The following SUPT3H variants were observed in gnomAD, a reference collection of about 807,000 sequenced individuals.
SUPT3H encodes the protein SPT3 homolog, SAGA and STAGA complex component.
In SUPT3H, 44 loss-of-function variants were observed where a neutral mutation model predicts 44.3. The ratio of observed to expected loss-of-function variants is 0.99; its 90% CI spans 0.78 to 1.28. The LOEUF is 1.28. Ranked by LOEUF, SUPT3H falls within the 50% of genes most tolerant of loss-of-function variation. SUPT3H has a pLI of 0.00. For missense variants in SUPT3H, 380 were observed against 387.1 expected, an observed-to-expected ratio of 0.98 and a Z score of 0.15; for synonymous variants, 124 against 125.6, an observed-to-expected ratio of 0.99 and a Z score of 0.09.
At chr6:45,096,454 C>T (rs1210987870) in intron 3 of SUPT3H, among the ~76,000 whole-genome samples, 1 of 152,052 alleles carries the variant, frequency 6.6e-6, no homozygotes, top group East Asian at 1.9e-4. Context: ...ACAGTCAACT[C>T]AGGCCTAAGC....
At chr6:45,308,111 G>A (rs1783361952) in intron 2 of SUPT3H, among the ~76,000 whole-genome samples, 1 of 151,718 alleles carries the variant, frequency 6.6e-6, no homozygotes, top group South Asian at 2.1e-4. Context: ...GGGACTATGT[G>A]AAAAGACCAA....
At chr6:44,844,685 G>T (rs1386462721) in intron 10 of SUPT3H, among the ~76,000 whole-genome samples, 2 of 152,132 alleles carry the variant, frequency 1.3e-5, no homozygotes, top group Non-Finnish European at 2.9e-5. Context: ...TATTACAAAT[G>T]GGAAAATTAT....
intron 3 of SUPT3H, among the ~76,000 whole-genome samples, chr6:45,028,895 C>T (rs1218036010): frequency 8.5e-5 from 1 of 11,750 alleles, no homozygotes; most frequent in African/African-American, 4.5e-4. Context: ...TAAACAGTTG[C>T]CAAAAAAAAA....
At chr6:44,996,781 T>TA (rs1430412084) in intron 6 of SUPT3H, among the ~76,000 whole-genome samples, 1 of 151,870 alleles carries the variant, frequency 6.6e-6, no homozygotes, top group East Asian at 1.9e-4. Context: ...TTGTATTTTT[T>TA]AAAAATGGTT....
At chr6:44,847,930 C>CTTCTAGTG (rs1772159053) in intron 10 of SUPT3H, among the ~76,000 whole-genome samples, 2 of 110,428 alleles carry the variant, frequency 1.8e-5, no homozygotes, top group Admixed American at 9.0e-5. Context: ...GAAATATTTT[C>CTTCTAGTG]TTCTAGTGTT....
At chr6:44,922,107 A>G (rs924719129) in intron 10 of SUPT3H, among the ~76,000 whole-genome samples, 1 of 152,244 alleles carries the variant, frequency 6.6e-6, no homozygotes, top group Non-Finnish European at 1.5e-5. Context: ...TGACATATGG[A>G]CTATGAATTT....
intron 9 of SUPT3H, among the ~76,000 whole-genome samples, chr6:44,948,744 G>C (rs892260513): frequency 6.0e-4 from 91 of 152,168 alleles, no homozygotes; most frequent in East Asian, 3.7e-3. Context: ...GGAAACAACA[G>C]GTGCTGGAGA....
intron 2 of SUPT3H, among the ~76,000 whole-genome samples, chr6:45,228,263 G>A (rs1427912301): frequency 6.6e-6 from 1 of 152,190 alleles, no homozygotes; most frequent in Non-Finnish European, 1.5e-5. Context: ...GTTTTGGGAT[G>A]AGATTAACAT....
intron 2 of SUPT3H, among the ~76,000 whole-genome samples, chr6:45,293,788 A>G (rs190626077): frequency 1.8e-3 from 279 of 152,294 alleles, no homozygotes; most frequent in African/African-American, 6.5e-3. Flanking sequence ...TTAAATCAGG[A>G]TAAATTAGAT....
chr6:45,272,010 C>T (rs1291705859), intron 2 of SUPT3H, among the ~76,000 whole-genome samples: 1 of 152,118 alleles, frequency 6.6e-6, no homozygotes, highest in African/African-American at 2.4e-5. Context: ...GCCAATTTCT[C>T]CCATTTGGAA....
chr6:45,179,679 C>G (rs373881814), intron 2 of SUPT3H, among the ~76,000 whole-genome samples: 3 of 152,264 alleles, frequency 2.0e-5, no homozygotes, highest in Non-Finnish European at 2.9e-5. Context: ...AATTCAACAA[C>G]GCTTCATGCT....
At chr6:44,904,973 A>G (rs1401353082) in intron 10 of SUPT3H, among the ~76,000 whole-genome samples, 2 of 152,228 alleles carry the variant, frequency 1.3e-5, no homozygotes. Context: ...CCATATGTAG[A>G]AAGCTGAAAC....
At chr6:45,089,314 A>G (rs1326851481) in intron 3 of SUPT3H, among the ~76,000 whole-genome samples, 1 of 152,052 alleles carries the variant, frequency 6.6e-6, no homozygotes, top group East Asian at 1.9e-4. Context: ...TCTTATTTCA[A>G]TGATGTTCTT....
At chr6:45,069,036 CTG>C (rs1793945373) in intron 3 of SUPT3H, among the ~76,000 whole-genome samples, 1 of 151,648 alleles carries the variant, frequency 6.6e-6, no homozygotes, top group African/African-American at 2.4e-5. Context: ...TAGCTTCCAC[CTG>C]TGATTCCTAG....
At chr6:44,854,581 A>G (rs185246083) in intron 10 of SUPT3H, among the ~76,000 whole-genome samples, 13 of 152,212 alleles carry the variant, frequency 8.5e-5, no homozygotes, top group Non-Finnish European at 1.9e-4. Flanking sequence ...ATATGCCCTC[A>G]ATCCCTTGCA....
intron 3 of SUPT3H, among the ~76,000 whole-genome samples, chr6:45,079,114 T>C (rs1583427440): frequency 6.6e-6 from 1 of 152,176 alleles, no homozygotes; most frequent in East Asian, 1.9e-4. Flanking sequence ...ATCGAGACCA[T>C]CTGGCTAATA....
At chr6:45,229,530 T>C (rs1767572914) in intron 2 of SUPT3H, among the ~76,000 whole-genome samples, 1 of 152,166 alleles carries the variant, frequency 6.6e-6, no homozygotes, top group Admixed American at 6.6e-5. Context: ...TCTATATATA[T>C]ATAATCTTCT....
chr6:45,264,975 T>C (rs2153659200), intron 2 of SUPT3H, among the ~76,000 whole-genome samples: 1 of 152,286 alleles, frequency 6.6e-6, no homozygotes, highest in African/African-American at 2.4e-5. Context: ...AAAATCACTT[T>C]AATGAGATTA....
rs182809215 is a variant in SUPT3H, at chr6:45,084,759, C to T, written c.186+21163G>A. On this transcript the variant is annotated intron_variant, in intron 3 of 10. Transcript: ENST00000371459. ...GGATAAAGCAAGTGTGTTACATACA[C>T]ACCACGAAATCCTATGCAGCCATAA... 4.9e-3 allele frequency among the ~76,000 whole-genome samples: 749 copies of T among 152,276 alleles called. 7 individuals are homozygous for T. Among genetic ancestry groups the T allele is most frequent in the African/African-American group, 0.017 (698 of 41,566 alleles).
Sources: gnomAD v4.1 joint callset for allele counts (sites outside exome capture counted in the v4.1 genomes callset) on GRCh38, gnomAD v4.1.1 for gene constraint, MANE v1.5 for transcripts, NCBI Gene and HGNC (gene_info 2026-07-23, HGNC 2026-07-21) for gene names.